Variants in NAALADL2 observed in about 807,000 individuals in gnomAD.
The protein encoded by NAALADL2 is N-acetylated alpha-linked acidic dipeptidase like 2.
In NAALADL2, 76 loss-of-function variants were observed where a neutral mutation model predicts 87.2. The observed-to-expected ratio is 0.87, with a 90% confidence interval of 0.72 to 1.05. NAALADL2 has a LOEUF of 1.05. Among genes scored for constraint, NAALADL2 ranks in the 50% least tolerant of loss-of-function variants. NAALADL2 has a pLI of 0.00. For synonymous variants in NAALADL2, 354 were observed against 331.0 expected (o/e 1.07, Z -0.75); for missense variants, 1,089 against 945.8 (o/e 1.15, Z -1.99).
chr3:174,910,813 A>T (rs1733591615), intron 1 of NAALADL2, among the ~76,000 whole-genome samples: 1 of 152,110 alleles, frequency 6.6e-6, no homozygotes, highest in South Asian at 2.1e-4. Context: ...CATCTGAAAT[A>T]TGGGCCCCAA....
chr3:174,905,582 C>T (rs541033310), intron 1 of NAALADL2, among the ~76,000 whole-genome samples: 1 of 152,116 alleles, frequency 6.6e-6, no homozygotes, highest in South Asian at 2.1e-4. Context: ...ACATGTAACT[C>T]AAATATGTAA....
At chr3:175,634,862 G>C (rs1025811943) in intron 11 of NAALADL2, among the ~76,000 whole-genome samples, 1 of 151,810 alleles carries the variant, frequency 6.6e-6, no homozygotes, top group Admixed American at 6.6e-5. Context: ...ATTGTTACTA[G>C]ATGCAAGACG....
Position 175,738,311 on chromosome 3 carries a change from G to A in NAALADL2, c.1990+912G>A, listed in dbSNP as rs538208205. 9.2e-5 allele frequency among the ~76,000 whole-genome samples: 14 copies of A among 151,546 alleles called. No homozygotes were observed. In the South Asian group the frequency reaches 1.9e-3, roughly 20 times the overall value. ...TGCCCAGGCTGGAGTGCAGTGGTGCGATCTCAGCTCACTGCAACCTCCACC... is the reference window on the plus strand; with the variant it reads ...TGCCCAGGCTGGAGTGCAGTGGTGCAATCTCAGCTCACTGCAACCTCCACC... On this transcript the variant is annotated intron_variant, in intron 12 of 13. Coordinates refer to ENST00000454872, the MANE Select transcript of NAALADL2 (RefSeq NM_207015.3).
chr3:174,911,029 C>G (rs911074503), intron 1 of NAALADL2, among the ~76,000 whole-genome samples: 1 of 152,104 alleles, frequency 6.6e-6, no homozygotes, highest in Non-Finnish European at 1.5e-5. Flanking sequence ...CCTGGCACAC[C>G]GAATGTGCCT....
At chr3:174,882,427 G>A (rs1040747982) in intron 1 of NAALADL2, among the ~76,000 whole-genome samples, 2 of 144,974 alleles carry the variant, frequency 1.4e-5, no homozygotes, top group African/African-American at 2.7e-5. Flanking sequence ...TATGTGTGTT[G>A]TGTGTGTGTG....
chr3:175,791,735 TTACA>T (rs1752799946), intron 13 of NAALADL2, among the ~76,000 whole-genome samples: 1 of 151,988 alleles, frequency 6.6e-6, no homozygotes, highest in Non-Finnish European at 1.5e-5. Flanking sequence ...CTGTAAACTG[TTACA>T]TATAGTATAT....
chr3:175,657,266 A>G (rs2149802477), intron 11 of NAALADL2, among the ~76,000 whole-genome samples: 1 of 152,312 alleles, frequency 6.6e-6, no homozygotes, highest in African/African-American at 2.4e-5. Context: ...TTAAGTGAAT[A>G]AATAAAAATG....
intron 1 of NAALADL2, among the ~76,000 whole-genome samples, chr3:174,483,402 G>A (rs1176045677): frequency 6.6e-6 from 1 of 151,894 alleles, no homozygotes; most frequent in East Asian, 1.9e-4. Flanking sequence ...CACATCTCGT[G>A]AGAATTCACT....
chr3:175,718,673 C>A, intron 11 of NAALADL2: 1 of 1,558,692 alleles, frequency 6.4e-7, no homozygotes, highest in Non-Finnish European at 8.8e-7. Flanking sequence ...TGCCATCTTG[C>A]GTTTTCTTGT....
intron 5 of NAALADL2, among the ~76,000 whole-genome samples, chr3:175,346,632 C>T (rs1763186754): frequency 6.6e-6 from 1 of 151,446 alleles, no homozygotes; most frequent in South Asian, 2.1e-4. Flanking sequence ...GTTCAATGAC[C>T]CCAAGATAGA....
intron 11 of NAALADL2, among the ~76,000 whole-genome samples, chr3:175,727,834 C>G (rs1468556296): frequency 6.6e-6 from 1 of 152,150 alleles, no homozygotes; most frequent in Non-Finnish European, 1.5e-5. Flanking sequence ...AAGAAACCCT[C>G]AAGTCATCCA....
chr3:175,797,426 C>CA (rs1753635972), intron 13 of NAALADL2, among the ~76,000 whole-genome samples: 1 of 152,112 alleles, frequency 6.6e-6, no homozygotes, highest in Non-Finnish European at 1.5e-5. Flanking sequence ...TATGCTAACA[C>CA]AATCTATTCT....
intron 11 of NAALADL2, among the ~76,000 whole-genome samples, chr3:175,655,141 T>C (rs1290100174): frequency 6.6e-6 from 1 of 152,162 alleles, no homozygotes; most frequent in Non-Finnish European, 1.5e-5. Context: ...AACATTTATC[T>C]CAACTGTAAA....
intron 11 of NAALADL2, among the ~76,000 whole-genome samples, chr3:175,697,796 T>C (rs998891170): frequency 1.4e-5 from 2 of 144,402 alleles, no homozygotes; most frequent in South Asian, 2.1e-4. Flanking sequence ...TGTGTGTATA[T>C]ATGTATATAT....
chr3:175,447,354 C>G lies in NAALADL2; in HGVS notation c.1216C>G (p.Leu406Val), dbSNP rs762377757. 8.1e-5 allele frequency: 127 copies of G among 1,574,116 alleles called. No individual in the cohort carries two copies. The highest frequency in any genetic ancestry group is 1.1e-4 in the Non-Finnish European group (123 of 1,162,898). ...ARTKNEACSS[L>V]ELPNNEIRVV... Reference sequence around the variant, plus strand: ...AACCAAAAATGAAGCGTGTAGCTCTCTAGAGCTTCCAAATAATGGTAAAGT... The same window carrying G: ...AACCAAAAATGAAGCGTGTAGCTCTGTAGAGCTTCCAAATAATGGTAAAGT... Residue 406 changes from leucine to valine, a missense_variant, in exon 6 of 14, where the codon CTA (leucine) becomes GTA (valine). By Grantham distance (32) the Leu-to-Val change is conservative. Coordinates refer to ENST00000454872, the MANE Select transcript of NAALADL2 (RefSeq NM_207015.3).
At chr3:175,349,128 A>G (rs1294126808) in intron 5 of NAALADL2, among the ~76,000 whole-genome samples, 1 of 151,908 alleles carries the variant, frequency 6.6e-6, no homozygotes, top group African/African-American at 2.4e-5. Context: ...GGCCCCCACC[A>G]TCAGAGAATA....
intron 10 of NAALADL2, among the ~76,000 whole-genome samples, chr3:175,598,100 A>G (rs1456935180): frequency 2.0e-5 from 3 of 152,008 alleles, no homozygotes; most frequent in Non-Finnish European, 2.9e-5. Context: ...AAAACCATCA[A>G]TCTTGTTAGT....
intron 2 of NAALADL2, among the ~76,000 whole-genome samples, chr3:175,131,262 C>T (rs1727805126): frequency 1.3e-5 from 2 of 150,122 alleles, no homozygotes; most frequent in African/African-American, 2.5e-5. Flanking sequence ...AACAAGTGAA[C>T]AAAGGTCTCT....
chr3:174,988,434 T>A (rs1245078154), intron 1 of NAALADL2, among the ~76,000 whole-genome samples: 1 of 152,186 alleles, frequency 6.6e-6, no homozygotes, highest in Admixed American at 6.5e-5. Context: ...CCCTACTTTT[T>A]GAAATGAACA....
Sources: gnomAD v4.1 joint callset for allele counts (sites outside exome capture counted in the v4.1 genomes callset) on GRCh38, gnomAD v4.1.1 for gene constraint, MANE v1.5 for transcripts, NCBI Gene and HGNC (gene_info 2026-07-23, HGNC 2026-07-21) for gene names.